SDS: variants seen among roughly 807,000 people sequenced by gnomAD.
The protein encoded by SDS is serine dehydratase, also known as L-serine dehydratase/L-threonine deaminase.
Under a neutral mutation model 29.3 loss-of-function variants are expected in SDS, and 19 were observed. That is an observed-to-expected ratio of 0.65 (90% confidence interval 0.45 to 0.95). The LOEUF (loss-of-function observed/expected upper bound fraction) is 0.95, where lower values mean the gene tolerates loss of function less well. SDS is among the 40% of genes least tolerant of loss of function. SDS has a pLI of 0.00. For missense variants in SDS, 375 were observed against 439.9 expected, an observed-to-expected ratio of 0.85 and a Z score of 1.32; for synonymous variants, 176 against 189.0, an observed-to-expected ratio of 0.93 and a Z score of 0.56.
chr12:113,395,755 C>G (rs971661936), intron 6 of SDS, among the ~76,000 whole-genome samples: 12 of 152,182 alleles, frequency 7.9e-5, no homozygotes, highest in Admixed American at 5.9e-4. Context: ...AAAGTTCAAT[C>G]TCATTTAAGT....
intron 6 of SDS, 48 bp downstream of exon 6, chr12:113,397,117 C>A (rs1283088921): frequency 6.6e-7 from 1 of 1,516,094 alleles, no homozygotes; most frequent in African/African-American, 1.4e-5. Flanking sequence ...CTAAGGGGGA[C>A]TCCCCAGTGC....
intron 1 of SDS, among the ~76,000 whole-genome samples, chr12:113,402,856 G>A (rs1379365701): frequency 6.6e-6 from 1 of 152,182 alleles, no homozygotes; most frequent in Non-Finnish European, 1.5e-5. Flanking sequence ...GACTTCAGAA[G>A]AGGTTGTGCC....
chr12:113,396,261 G>C (rs1397810107), intron 6 of SDS, among the ~76,000 whole-genome samples: 2 of 152,198 alleles, frequency 1.3e-5, no homozygotes, highest in Admixed American at 1.3e-4. Flanking sequence ...AATGAGGTAT[G>C]TAAAACCTTG....
In SDS at chr12:113,393,109, G is replaced by A; in HGVS notation, c.819C>T (p.Ala273=). 3.1e-6 allele frequency: 5 copies of A among 1,614,156 alleles called. No homozygotes were observed. The highest frequency in any genetic ancestry group is 4.2e-6 in the Non-Finnish European group (5 of 1,180,034). The stretch of plus-strand genomic sequence containing the variant: ...TCACGTGGCTATAGACAGCGGCCAG[G>A]GCTGCCCCGCAGGCGGGCTCCACCA... ...KILVEPACGA[A]LAAVYSHVIQ... The change falls in exon 8 of 8, where the codon GCC becomes GCT. Residue 273 remains alanine, a synonymous_variant. Transcript: ENST00000257549.
chr12:113,397,348 C>G lies in SDS; in HGVS notation c.470G>C (p.Trp157Ser), dbSNP rs762214578. The stretch of plus-strand genomic sequence containing the variant: ...CAGCGCGATGGCCCCCGGCTTTTCC[C>G]ACAGTGTCTCCTTCAGCTCTTTCAC... ...SIVKELKETL[W>S]EKPGAIALSV... The change falls in exon 6 of 8, where the codon TGG becomes TCG. Residue 157 changes from tryptophan to serine, a missense_variant. Trp to Ser is a radical substitution (Grantham distance 177). Coordinates refer to ENST00000257549, the MANE Select transcript of SDS (RefSeq NM_006843.3). 1.9e-6 allele frequency: 3 copies of G among 1,613,566 alleles called. No individual in the cohort carries two copies. The Admixed American group carries it at 5.0e-5, about 27-fold the overall frequency.
intron 6 of SDS, among the ~76,000 whole-genome samples, chr12:113,395,388 GGAA>G (rs201431249): frequency 6.6e-6 from 1 of 152,208 alleles, no homozygotes; most frequent in Non-Finnish European, 1.5e-5. Context: ...TCAGGAATCT[GGAA>G]GAAGTTCTTA....
rs3812826 is a variant in SDS at position 113,392,852 on chromosome 12, C to T, written c.*89G>A. On this transcript the variant is annotated 3_prime_UTR_variant, in exon 8 of 8. Transcript: ENST00000257549. Reference sequence around the variant, plus strand: ...CTGCACCCAGGCCACAGGTGCTCAGCCAAACATACGACGAGGCGCTGGATA... The same window carrying T: ...CTGCACCCAGGCCACAGGTGCTCAGTCAAACATACGACGAGGCGCTGGATA... 135,743 of 1,283,090 alleles carry T rather than the reference C, an allele frequency of 0.11. 8,410 individuals carry two copies. Among genetic ancestry groups the T allele is most frequent in the East Asian group, 0.26 (11,418 of 43,380 alleles). 79.5% of individuals were successfully genotyped at this position (1,283,090 alleles called of 1,614,324 possible). A position where few individuals can be genotyped will look rare whatever the true frequency, so the allele number is the denominator to read the frequency against.
intron 6 of SDS, chr12:113,396,623 C>A (rs1337730064): frequency 7.1e-6 from 1 of 139,966 alleles, no homozygotes; most frequent in Non-Finnish European, 1.5e-5. Context: ...CCCTCCCTCC[C>A]TCTCTCCCTT....
rs1001577983 is a variant in SDS, at chr12:113,392,679, G to T, written c.*262C>A. ...CCACCCTGCTCTGGGTACCTGGTGT[G>T]TTACTTGTGGGCACTTGTCACGCCA... On this transcript the variant is annotated 3_prime_UTR_variant, in exon 8 of 8. Transcript: ENST00000257549. 2.1e-6 allele frequency: 1 copy of T among 471,224 alleles called. No individual in the cohort carries two copies. Among genetic ancestry groups the T allele is most frequent in the Admixed American group, 4.0e-5 (1 of 25,188 alleles). The allele number at this position is 471,224 out of a possible 1,614,324, so 29.2% of individuals were successfully genotyped here. A position where few individuals can be genotyped will look rare whatever the true frequency, so the allele number is the denominator to read the frequency against.
At chr12:113,394,329 T>G (rs908124285) in intron 6 of SDS, among the ~76,000 whole-genome samples, 2 of 148,308 alleles carry the variant, frequency 1.3e-5, no homozygotes, top group African/African-American at 2.6e-5. Flanking sequence ...TGTTTGTTTT[T>G]TTGTTGTTTT....
chr12:113,401,264 A>G (rs1384691663), intron 1 of SDS, among the ~76,000 whole-genome samples: 2 of 152,224 alleles, frequency 1.3e-5, no homozygotes, highest in Non-Finnish European at 2.9e-5. Flanking sequence ...AAAAAAAAAC[A>G]AAATAACCTA....
At chr12:113,396,535 TCCC>T (rs2063483638) in intron 6 of SDS, 5 of 84,258 alleles carry the variant, frequency 5.9e-5, no homozygotes, top group African/African-American at 2.3e-4. Flanking sequence ...CCTCCCTCCC[TCCC>T]TCTCTCCCTT....
chr12:113,401,371 TTTTATTCATTCATTCA>T (rs1301488676), intron 1 of SDS, among the ~76,000 whole-genome samples: 11 of 150,758 alleles, frequency 7.3e-5, no homozygotes, highest in African/African-American at 2.7e-4. Context: ...AGCTTTTAAA[TTTTATTCATTCATTCA>T]TTCATTCATT....
chr12:113,394,099 G>A (rs1197707765), intron 6 of SDS, 83 bp from the exon 7 acceptor site: 1 of 1,369,036 alleles, frequency 7.3e-7, no homozygotes, highest in African/African-American at 1.4e-5. Flanking sequence ...GAAGGAGATG[G>A]ATGTGAGACA....
intron 1 of SDS, among the ~76,000 whole-genome samples, chr12:113,401,470 G>A (rs1202942693): frequency 6.6e-6 from 1 of 152,010 alleles, no homozygotes; most frequent in Admixed American, 6.6e-5. Flanking sequence ...GGCCTCAAGC[G>A]TTCTGCCCAC....
intron 2 of SDS, 98 bp from the exon 3 acceptor site, chr12:113,399,249 C>A: frequency 7.8e-7 from 1 of 1,286,984 alleles, no homozygotes; most frequent in South Asian, 1.2e-5. Context: ...CCAGTGGACA[C>A]GGACGTTTCC....
Position 113,398,866 on chromosome 12 carries a change from A to AGAGC in SDS, c.194-24_194-21dup. ...TGCCCGCTGCCAGGGTCGGGGGTGG[A>AGAGC]GAGCGTGTCAGTGCGGGAGCATCTG... On this transcript the variant is annotated intron_variant, in intron 3 of 7. Coordinates refer to ENST00000257549, the MANE Select transcript of SDS (RefSeq NM_006843.3). 6.3e-7 allele frequency: 1 copy of AGAGC among 1,585,172 alleles called. No individual in the cohort carries two copies. The highest frequency in any genetic ancestry group is 8.6e-7 in the Non-Finnish European group (1 of 1,166,222).
At chr12:113,396,102 A>G (rs888689407) in intron 6 of SDS, among the ~76,000 whole-genome samples, 1 of 152,212 alleles carries the variant, frequency 6.6e-6, no homozygotes, top group Non-Finnish European at 1.5e-5. Context: ...TCTGTCTCAA[A>G]AAACAAAGAC....
intron 3 of SDS, 49 bp from the exon 4 acceptor site, chr12:113,398,895 G>C: frequency 1.3e-6 from 2 of 1,557,126 alleles, no homozygotes; most frequent in Non-Finnish European, 1.7e-6. Context: ...GCATCTGGGA[G>C]CCCAGGCAGG....
Sources: allele counts gnomAD v4.1 joint callset (sites outside exome capture counted in the v4.1 genomes callset), GRCh38; gene constraint gnomAD v4.1.1; transcripts MANE v1.5; gene names NCBI Gene and HGNC (gene_info 2026-07-23, HGNC 2026-07-21).